The following CTXND2 variants were observed in gnomAD, a reference collection of about 807,000 sequenced individuals.
CTXND2 encodes cortexin domain containing 2.
At chr1:150,904,111 C>G in intron 1 of CTXND2, 1 of 663,148 alleles carries the variant, frequency 1.5e-6, no homozygotes, top group African/African-American at 1.8e-5. Context: ...TGGAAAATCC[C>G]AAGAAGTACA....
At chr1:150,889,994 C>T (rs1668827069) in intron 1 of CTXND2, among the ~76,000 whole-genome samples, 1 of 152,006 alleles carries the variant, frequency 6.6e-6, no homozygotes, top group Non-Finnish European at 1.5e-5. Flanking sequence ...CTTCCCGATA[C>T]CTGAAAGAAC....
intron 1 of CTXND2, among the ~76,000 whole-genome samples, chr1:150,889,236 C>G (rs1010309534): frequency 6.6e-6 from 1 of 151,846 alleles, no homozygotes; most frequent in East Asian, 1.9e-4. Context: ...GATGAGACCC[C>G]GTCTCTACAA....
chr1:150,894,173 T>C (rs960207747), intron 1 of CTXND2, among the ~76,000 whole-genome samples: 1 of 152,146 alleles, frequency 6.6e-6, no homozygotes, highest in Non-Finnish European at 1.5e-5. Context: ...TCATGTAAAC[T>C]ACCCTTGCAT....
intron 1 of CTXND2, among the ~76,000 whole-genome samples, chr1:150,903,304 T>C (rs148027055): frequency 1.5e-3 from 232 of 152,196 alleles, no homozygotes; most frequent in Non-Finnish European, 1.5e-3. Context: ...TTATAAGTAC[T>C]TTTGTGCATG....
At chr1:150,904,025 G>C (rs1198312225) in intron 1 of CTXND2, 13 of 653,396 alleles carry the variant, frequency 2.0e-5, no homozygotes, top group South Asian at 6.8e-5. Context: ...GACAGGTCAG[G>C]CTGTTGGATT....
At position 150,912,502 on chromosome 1, in the gene CTXND2, G is replaced by A. The variant is rs1328563230; in HGVS notation, c.*20G>A. 3 of 398,420 alleles carry A rather than the reference G, an allele frequency of 7.5e-6. No individual in the cohort carries two copies. In the East Asian group the frequency reaches 1.1e-4, roughly 14 times the overall value. The allele number at this position is 398,420 out of a possible 1,614,324, so 24.7% of individuals were successfully genotyped here. On this transcript the variant is annotated 3_prime_UTR_variant, in exon 2 of 2. Transcript: ENST00000636087. ...AGCTGAAGTATAATAAAACCTGGTA[G>A]ACTCCCCCAAGCAAGAGATTTGAAA...
At chr1:150,906,173 C>T (rs115298177) in intron 1 of CTXND2, among the ~76,000 whole-genome samples, 3,812 of 151,368 alleles carry the variant, frequency 0.025, 70 homozygotes, top group Non-Finnish European at 0.038. Context: ...GTGGTGGGCA[C>T]CTGTAGTCAC....
chr1:150,901,594 A>C (rs1309121122), intron 1 of CTXND2, among the ~76,000 whole-genome samples: 2 of 152,208 alleles, frequency 1.3e-5, no homozygotes, highest in Non-Finnish European at 2.9e-5. Flanking sequence ...ATCTGTGACC[A>C]AGCAATTTTC....
chr1:150,900,375 G>A (rs1342862507), intron 1 of CTXND2, among the ~76,000 whole-genome samples: 2 of 152,090 alleles, frequency 1.3e-5, no homozygotes, highest in Non-Finnish European at 2.9e-5. Flanking sequence ...AGAAAGTCCA[G>A]ACGCATCTGA....
intron 1 of CTXND2, among the ~76,000 whole-genome samples, chr1:150,909,709 A>G (rs1033198021): frequency 2.0e-5 from 3 of 152,222 alleles, no homozygotes; most frequent in Non-Finnish European, 2.9e-5. Context: ...CCAAAACACC[A>G]GGAGTTCGGT....
chr1:150,895,836 C>T (rs587755041), intron 1 of CTXND2, among the ~76,000 whole-genome samples: 2 of 152,282 alleles, frequency 1.3e-5, no homozygotes, highest in East Asian at 3.9e-4. Flanking sequence ...ATTTATAATT[C>T]AGCCATGCCA....
chr1:150,892,227 C>T (rs587662369), intron 1 of CTXND2, among the ~76,000 whole-genome samples: 1 of 152,266 alleles, frequency 6.6e-6, no homozygotes, highest in South Asian at 2.1e-4. Flanking sequence ...GTCATATTTT[C>T]TTCTAAAGGT....
intron 1 of CTXND2, among the ~76,000 whole-genome samples, chr1:150,893,161 T>C (rs587646747): frequency 6.6e-6 from 1 of 152,366 alleles, no homozygotes; most frequent in East Asian, 1.9e-4. Flanking sequence ...TACATTTTCT[T>C]GTGTGTTGCT....
At chr1:150,901,125 CAGAA>C (rs949470451) in intron 1 of CTXND2, among the ~76,000 whole-genome samples, 2 of 151,826 alleles carry the variant, frequency 1.3e-5, no homozygotes, top group African/African-American at 4.8e-5. Context: ...AAAACACAAA[CAGAA>C]AGAATGAAAA....
chr1:150,905,734 T>G (rs1482350209), intron 1 of CTXND2, among the ~76,000 whole-genome samples: 1 of 151,998 alleles, frequency 6.6e-6, no homozygotes, highest in Non-Finnish European at 1.5e-5. Context: ...CTCACGCCTG[T>G]AATCCCAGCA....
At chr1:150,891,282 C>T (rs1242644098) in intron 1 of CTXND2, among the ~76,000 whole-genome samples, 1 of 151,720 alleles carries the variant, frequency 6.6e-6, no homozygotes, top group Non-Finnish European at 1.5e-5. Flanking sequence ...TGGCAGATCT[C>T]AGCTCACTAC....
At chr1:150,911,997 A>AT (rs1305739200) in intron 1 of CTXND2, among the ~76,000 whole-genome samples, 1 of 152,202 alleles carries the variant, frequency 6.6e-6, no homozygotes, top group East Asian at 1.9e-4. Context: ...GGCCCAACTG[A>AT]TTCCTAGGTT....
chr1:150,900,275 G>A (rs887656140), intron 1 of CTXND2, among the ~76,000 whole-genome samples: 1 of 151,204 alleles, frequency 6.6e-6, no homozygotes, highest in Non-Finnish European at 1.5e-5. Flanking sequence ...AACAACTCCG[G>A]ACTGCCACCT....
At chr1:150,903,176 T>C (rs938246804) in intron 1 of CTXND2, among the ~76,000 whole-genome samples, 6 of 152,184 alleles carry the variant, frequency 3.9e-5, no homozygotes, top group Non-Finnish European at 7.3e-5. Context: ...ATGTTTTGTT[T>C]TGAAAATCTG....
Sources: gnomAD v4.1 joint callset for allele counts (sites outside exome capture counted in the v4.1 genomes callset) on GRCh38, gnomAD v4.1.1 for gene constraint, MANE v1.5 for transcripts, NCBI Gene and HGNC (gene_info 2026-07-23, HGNC 2026-07-21) for gene names.